Variants in PLEKHA7 observed in about 807,000 individuals in gnomAD.
PLEKHA7 encodes the protein pleckstrin homology domain-containing family A member 7.
PLEKHA7 carries 104 observed loss-of-function variants against 170.0 expected under a neutral mutation model. The observed-to-expected ratio is 0.61, with a 90% CI of 0.52 to 0.72. PLEKHA7 has a LOEUF of 0.72. Ranked by LOEUF, PLEKHA7 falls within the 30% of genes least tolerant of loss-of-function variation. PLEKHA7 has a pLI of 0.00. For synonymous variants in PLEKHA7, 648 were observed against 660.8 expected, an observed-to-expected ratio of 0.98 and a Z score of 0.30; for missense variants, 1,615 against 1,671.7, an observed-to-expected ratio of 0.97 and a Z score of 0.59.
chr11:16,894,473 C>T (rs891268945), intron 3 of PLEKHA7, among the ~76,000 whole-genome samples: 1 of 152,186 alleles, frequency 6.6e-6, no homozygotes, highest in African/African-American at 2.4e-5. Flanking sequence ...TTTATTCTTT[C>T]TTTTTCTTTT....
intron 3 of PLEKHA7, among the ~76,000 whole-genome samples, chr11:16,947,285 G>T (rs1442072368): frequency 1.3e-5 from 2 of 152,128 alleles, no homozygotes; most frequent in Non-Finnish European, 2.9e-5. Context: ...TGGTATAGAG[G>T]CTCCTCAAAA....
Position 16,778,871 on chromosome 11 carries a change from G to A in PLEKHA7, c.*127C>T, listed in dbSNP as rs1590087447. ...TGTGGTGAACACCCGCAGTCGGTAAGCTGCTCCTTCCTCCGGCCGGATTCC... is the reference window on the plus strand; with the variant it reads ...TGTGGTGAACACCCGCAGTCGGTAAACTGCTCCTTCCTCCGGCCGGATTCC... On this transcript the variant is annotated 3_prime_UTR_variant, in exon 27 of 27. Coordinates refer to ENST00000531066, the MANE Select transcript of PLEKHA7 (RefSeq NM_001329630.2). 13 of 691,902 alleles carry A rather than the reference G, an allele frequency of 1.9e-5. No homozygotes were observed. The East Asian group carries it at 3.0e-4, about 16-fold the overall frequency. The allele number at this position is 691,902 out of a possible 1,614,324, so 42.9% of individuals were successfully genotyped here.
chr11:16,903,091 C>T (rs1857439377), intron 3 of PLEKHA7, among the ~76,000 whole-genome samples: 1 of 152,310 alleles, frequency 6.6e-6, no homozygotes, highest in South Asian at 2.1e-4. Context: ...CAAAGGTCAG[C>T]CTAGAGCCTA....
At chr11:16,928,238 A>G (rs577916055) in intron 3 of PLEKHA7, among the ~76,000 whole-genome samples, 210 of 152,260 alleles carry the variant, frequency 1.4e-3, no homozygotes, top group Non-Finnish European at 2.2e-3. Context: ...TGAGCCCAGG[A>G]GCTTGAGGTT....
chr11:16,888,652 C>T (rs1053417489), intron 3 of PLEKHA7, among the ~76,000 whole-genome samples: 4 of 140,630 alleles, frequency 2.8e-5, no homozygotes, highest in Non-Finnish European at 6.2e-5. Flanking sequence ...CAGCAGCATG[C>T]TCCTTAAGAG....
At chr11:16,800,723 C>A (rs1848538342) in intron 17 of PLEKHA7, among the ~76,000 whole-genome samples, 2 of 152,106 alleles carry the variant, frequency 1.3e-5, no homozygotes, top group Admixed American at 6.6e-5. Flanking sequence ...TCTAAAACAC[C>A]CAAGAGCTTG....
chr11:16,795,976 C>T (rs1020513764), intron 17 of PLEKHA7, among the ~76,000 whole-genome samples: 2 of 150,938 alleles, frequency 1.3e-5, no homozygotes, highest in Non-Finnish European at 2.9e-5. Context: ...CTGCCTCAGC[C>T]TCCCAACCAG....
At chr11:16,834,333 A>G (rs1851347013) in intron 9 of PLEKHA7, among the ~76,000 whole-genome samples, 1 of 152,208 alleles carries the variant, frequency 6.6e-6, no homozygotes, top group African/African-American at 2.4e-5. Flanking sequence ...ATAGAATAAA[A>G]GACTAAATGG....
chr11:16,965,326 G>GA (rs11453911), intron 3 of PLEKHA7, among the ~76,000 whole-genome samples: 124,804 of 150,780 alleles, frequency 0.83, 52,067 homozygotes, highest in South Asian at 0.91. Flanking sequence ...GTCTCAAAAA[G>GA]AAAAAAAAAG....
At chr11:16,989,247 G>C (rs1447830458) in intron 3 of PLEKHA7, among the ~76,000 whole-genome samples, 1 of 152,226 alleles carries the variant, frequency 6.6e-6, no homozygotes, top group Non-Finnish European at 1.5e-5. Flanking sequence ...TACCTTGTTA[G>C]AGTGGGAAGA....
At chr11:16,839,082 G>A (rs932279930) in intron 9 of PLEKHA7, among the ~76,000 whole-genome samples, 1 of 152,010 alleles carries the variant, frequency 6.6e-6, no homozygotes, top group African/African-American at 2.4e-5. Flanking sequence ...CACATGCAGA[G>A]GCTTGTAGAA....
chr11:16,871,059 A>C, intron 4 of PLEKHA7, 40 bp downstream of exon 4: 2 of 1,485,620 alleles, frequency 1.3e-6, no homozygotes, highest in South Asian at 1.1e-5. Flanking sequence ...TTAGTCTCCC[A>C]TACTCTGCCC....
intron 3 of PLEKHA7, among the ~76,000 whole-genome samples, chr11:16,875,446 C>CTTTTTT (rs59524843): frequency 1.3e-5 from 2 of 149,506 alleles, no homozygotes; most frequent in Non-Finnish European, 3.0e-5. Context: ...AATTTCTTTC[C>CTTTTTT]TTTTTTTTTC....
At chr11:16,903,789 T>C (rs528606337) in intron 3 of PLEKHA7, among the ~76,000 whole-genome samples, 1 of 152,158 alleles carries the variant, frequency 6.6e-6, no homozygotes, top group African/African-American at 2.4e-5. Flanking sequence ...AAAGACATAA[T>C]CAAACTAAGA....
At chr11:16,876,687 T>C (rs1855320175) in intron 3 of PLEKHA7, among the ~76,000 whole-genome samples, 1 of 152,218 alleles carries the variant, frequency 6.6e-6, no homozygotes, top group African/African-American at 2.4e-5. Flanking sequence ...TGGAGACTGA[T>C]TTAAGTTCAA....
intron 3 of PLEKHA7, among the ~76,000 whole-genome samples, chr11:16,975,343 T>C (rs910249150): frequency 5.8e-4 from 88 of 152,330 alleles, no homozygotes; most frequent in African/African-American, 2.1e-3. Flanking sequence ...ATACTCCCTT[T>C]TGGAAGACAA....
intron 3 of PLEKHA7, among the ~76,000 whole-genome samples, chr11:17,007,328 AAT>A (rs1491523650): frequency 1.3e-5 from 2 of 151,950 alleles, no homozygotes; most frequent in African/African-American, 4.8e-5. Flanking sequence ...TAGAAAAAAA[AAT>A]TTTTTTTTTG....
chr11:16,865,951 C>T (rs1292278244), intron 4 of PLEKHA7, among the ~76,000 whole-genome samples: 1 of 151,784 alleles, frequency 6.6e-6, no homozygotes, highest in Non-Finnish European at 1.5e-5. Flanking sequence ...GATTCTCCTG[C>T]CTCAGCCTCC....
rs1847850588 is a variant in PLEKHA7 at position 16,791,460 on chromosome 11, G to A, written c.2746-261C>T. The A allele has an allele frequency of 3.2e-6, 2 of 615,396 alleles. No homozygotes were observed. The highest frequency in any genetic ancestry group is 3.1e-5 in the East Asian group (1 of 32,220). 38.1% of individuals were successfully genotyped at this position (615,396 alleles called of 1,614,324 possible). A position where few individuals can be genotyped will look rare whatever the true frequency, so the allele number is the denominator to read the frequency against. The stretch of plus-strand genomic sequence containing the variant: ...TGTATAACTGTGTCCTGAAACCCAG[G>A]ACTCAGGTCTCCTGGGTCCATGCCC... On this transcript the variant is annotated intron_variant, in intron 19 of 26. Transcript: ENST00000531066. The surrounding 1 kb of genome is among the most constrained non-coding windows in gnomAD (Gnocchi z 4.5).
Sources: gnomAD v4.1 joint callset for allele counts (sites outside exome capture counted in the v4.1 genomes callset) on GRCh38, gnomAD v4.1.1 for gene constraint, Gnocchi (gnomAD v3.1) non-coding constraint, MANE v1.5 for transcripts, NCBI Gene and HGNC (gene_info 2026-07-23, HGNC 2026-07-21) for gene names.